DLGAP1: variants seen among roughly 807,000 people sequenced by gnomAD.
DLGAP1 encodes DLG associated protein 1.
In DLGAP1, 11 loss-of-function variants were observed where a neutral mutation model predicts 90.8. The ratio of observed to expected loss-of-function variants is 0.12; its 90% CI spans 0.08 to 0.20. DLGAP1 has a LOEUF of 0.20. DLGAP1 is among the 10% of genes least tolerant of loss of function. The pLI, the probability that DLGAP1 is intolerant of heterozygous loss-of-function variation, is 1.00. For missense variants in DLGAP1, 1,050 were observed against 1,333.8 expected (o/e 0.79, Z 3.31); for synonymous variants, 558 against 540.7 (o/e 1.03, Z -0.44).
Position 4,443,927 on chromosome 18 carries a change from C to T in DLGAP1, c.-267+11079G>A, listed in dbSNP as rs767657974. On this transcript the variant is annotated intron_variant, in intron 1 of 12. Transcript: ENST00000315677. ...TGGATATAACTGCCCAGAAACCTTT[C>T]CCTTAGTGAAAACCAGTGGAATGTT... is the stretch of plus-strand genomic sequence containing the variant. 4.5e-4 allele frequency among the ~76,000 whole-genome samples: 68 copies of T among 152,350 alleles called. No individual in the cohort carries two copies. In the Middle Eastern group the frequency reaches 0.014, roughly 30 times the overall value.
At chr18:3,804,347 C>A (rs1048740299) in intron 5 of DLGAP1, among the ~76,000 whole-genome samples, 1 of 152,190 alleles carries the variant, frequency 6.6e-6, no homozygotes, top group Non-Finnish European at 1.5e-5. Context: ...CCCTTCCCAA[C>A]TTCAAAAGGA....
chr18:3,894,259 C>A (rs1308776565), intron 3 of DLGAP1, among the ~76,000 whole-genome samples: 1 of 151,994 alleles, frequency 6.6e-6, no homozygotes, highest in Non-Finnish European at 1.5e-5. Flanking sequence ...GCATTTATGT[C>A]TTTGAGGTCT....
Position 3,879,839 on chromosome 18 carries a change from G to T in DLGAP1, c.230C>A (p.Ser77Ter). ...SSTFPRRHYTSQQELKDECAL... is the reference protein window; with the variant it reads ...SSTFPRRHYT ...ACACTCGTCCTTCAGCTCTTGCTGC[G>T]AGGTGTAGTGCCTGCGGGGGAAGGT... The change falls in exon 4 of 13, where the codon TCG (serine) becomes TAG (stop). Residue 77 changes from serine to a stop codon, truncating the protein, a stop_gained. Coordinates refer to ENST00000315677, the MANE Select transcript of DLGAP1 (RefSeq NM_004746.4). LOFTEE classifies it high-confidence loss of function. This position sits in a 1 kb window ranked among gnomAD's most constrained non-coding sequence, Gnocchi z 6.6. The T allele has an allele frequency of 6.2e-7, 1 of 1,609,578 alleles. No individual in the cohort carries two copies.
chr18:3,966,113 T>A (rs2073325502), intron 3 of DLGAP1, among the ~76,000 whole-genome samples: 1 of 151,898 alleles, frequency 6.6e-6, no homozygotes, highest in South Asian at 2.1e-4. Flanking sequence ...CACAGAATGA[T>A]AGGGTGGTAG....
intron 1 of DLGAP1, among the ~76,000 whole-genome samples, chr18:4,436,840 T>C (rs569521233): frequency 1.6e-4 from 25 of 152,346 alleles, no homozygotes; most frequent in African/African-American, 6.0e-4. Context: ...ACAGTGATTA[T>C]GCTTATCAAA....
chr18:3,968,421 T>C (rs369666107), intron 3 of DLGAP1, among the ~76,000 whole-genome samples: 1 of 152,204 alleles, frequency 6.6e-6, no homozygotes, highest in African/African-American at 2.4e-5. Context: ...CATTAGCTCA[T>C]GGCAGGCACT....
At chr18:4,184,114 G>A (rs1300849174) in intron 1 of DLGAP1, among the ~76,000 whole-genome samples, 2 of 152,096 alleles carry the variant, frequency 1.3e-5, no homozygotes, top group African/African-American at 4.8e-5. Context: ...AAGAAAAAAG[G>A]AAACATTTTC....
At chr18:4,110,340 T>C (rs8092474) in intron 2 of DLGAP1, among the ~76,000 whole-genome samples, 1 of 151,702 alleles carries the variant, frequency 6.6e-6, no homozygotes, top group South Asian at 2.1e-4. Flanking sequence ...CTATCCTATA[T>C]GTATACCATT....
chr18:3,696,936 T>C (rs2061114850), intron 7 of DLGAP1, among the ~76,000 whole-genome samples: 1 of 152,224 alleles, frequency 6.6e-6, no homozygotes, highest in Non-Finnish European at 1.5e-5. Flanking sequence ...AGGATGTATG[T>C]GTCTAGGAAT....
chr18:3,626,562 C>T lies in DLGAP1; in HGVS notation c.1592-44314G>A, dbSNP rs184846355. 1.9e-3 allele frequency among the ~76,000 whole-genome samples: 293 copies of T among 150,768 alleles called. 1 individual carries two copies. Among genetic ancestry groups the T allele is most frequent in the Non-Finnish European group, 3.3e-3 (227 of 67,810 alleles). On this transcript the variant is annotated intron_variant, in intron 7 of 12. Transcript: ENST00000315677. ...TGAGCCGAGATCACACCACTGCACT[C>T]CACCCTGCTGGGTGACAGAGCAAGA...
chr18:3,936,707 G>A (rs545256845), intron 3 of DLGAP1, among the ~76,000 whole-genome samples: 3 of 152,326 alleles, frequency 2.0e-5, no homozygotes, highest in African/African-American at 7.2e-5. Flanking sequence ...ATAAATGAGT[G>A]AAATGTTCTC....
intron 5 of DLGAP1, among the ~76,000 whole-genome samples, chr18:3,754,946 G>A (rs892814035): frequency 3.3e-5 from 5 of 151,884 alleles, no homozygotes; most frequent in African/African-American, 7.3e-5. Flanking sequence ...ATATGCACAT[G>A]AAAATTTATA....
At chr18:3,935,256 T>C (rs2072608380) in intron 3 of DLGAP1, among the ~76,000 whole-genome samples, 2 of 152,134 alleles carry the variant, frequency 1.3e-5, no homozygotes, top group Non-Finnish European at 2.9e-5. Context: ...TATACACCGC[T>C]CCTTAGGAAA....
intron 9 of DLGAP1, among the ~76,000 whole-genome samples, chr18:3,547,779 T>C (rs1002236880): frequency 2.0e-5 from 3 of 152,232 alleles, no homozygotes; most frequent in Admixed American, 6.5e-5. Flanking sequence ...CAAAGACTTG[T>C]ACATGAATGT....
chr18:4,159,412 T>C (rs1043569209), intron 1 of DLGAP1, among the ~76,000 whole-genome samples: 5 of 152,204 alleles, frequency 3.3e-5, no homozygotes, highest in East Asian at 1.9e-4. Context: ...TTTTGAATCA[T>C]TGTCCATGGA....
At chr18:3,574,854 G>A (rs1029179025) in intron 8 of DLGAP1, among the ~76,000 whole-genome samples, 33 of 148,860 alleles carry the variant, frequency 2.2e-4, no homozygotes, top group African/African-American at 7.4e-4. Flanking sequence ...TGGCTCTGTC[G>A]CCCAGGCTGG....
chr18:3,851,729 A>G (rs1215092909), intron 4 of DLGAP1, among the ~76,000 whole-genome samples: 1 of 152,220 alleles, frequency 6.6e-6, no homozygotes, highest in Non-Finnish European at 1.5e-5. Context: ...GTAAATAATG[A>G]AAACTCAACT....
chr18:4,259,887 G>A (rs1294833012), intron 1 of DLGAP1, among the ~76,000 whole-genome samples: 1 of 152,040 alleles, frequency 6.6e-6, no homozygotes, highest in Non-Finnish European at 1.5e-5. Flanking sequence ...TCTGTGTTAG[G>A]TCTACTGCTA....
chr18:3,939,998 GCTGAC>G (rs1422314812), intron 3 of DLGAP1, among the ~76,000 whole-genome samples: 1 of 152,150 alleles, frequency 6.6e-6, no homozygotes, highest in Non-Finnish European at 1.5e-5. Context: ...GCTGAATAGG[GCTGAC>G]CTGCAAATCA....
Sources: allele counts gnomAD v4.1 joint callset (sites outside exome capture counted in the v4.1 genomes callset), GRCh38; gene constraint gnomAD v4.1.1; non-coding constraint Gnocchi (gnomAD v3.1); transcripts MANE v1.5; gene names NCBI Gene and HGNC (gene_info 2026-07-23, HGNC 2026-07-21).